Variants in PLEKHA5 observed in about 807,000 individuals in gnomAD.
PLEKHA5 encodes pleckstrin homology domain-containing family A member 5.
PLEKHA5 carries 55 observed loss-of-function variants against 181.9 expected under a neutral mutation model. The ratio of observed to expected loss-of-function variants is 0.30; its 90% CI spans 0.24 to 0.38. The LOEUF is 0.38. Among genes scored for constraint, PLEKHA5 ranks in the 10% least tolerant of loss-of-function variants. PLEKHA5 has a pLI of 1.00. For synonymous variants in PLEKHA5, 535 were observed against 529.4 expected (o/e 1.01, Z -0.15); for missense variants, 1,432 against 1,549.5 (o/e 0.92, Z 1.27).
intron 3 of PLEKHA5, among the ~76,000 whole-genome samples, chr12:19,203,858 GTTTCT>G (rs2054767788): frequency 6.6e-6 from 1 of 151,306 alleles, no homozygotes; most frequent in African/African-American, 2.4e-5. Context: ...TTTTTTATTT[GTTTCT>G]TTTTAGTGAA....
At chr12:19,281,086 A>T (rs2076020406) in intron 11 of PLEKHA5, among the ~76,000 whole-genome samples, 1 of 152,146 alleles carries the variant, frequency 6.6e-6, no homozygotes, top group South Asian at 2.1e-4. Flanking sequence ...AAAATAAAAA[A>T]TTAGCCACAC....
intron 11 of PLEKHA5, among the ~76,000 whole-genome samples, chr12:19,280,586 GAA>G (rs2075856420): frequency 6.6e-6 from 1 of 152,104 alleles, no homozygotes; most frequent in African/African-American, 2.4e-5. Context: ...AACATTGAAA[GAA>G]GAGATCAGAA....
At chr12:19,239,117 A>T (rs889507806) in intron 3 of PLEKHA5, among the ~76,000 whole-genome samples, 1 of 152,190 alleles carries the variant, frequency 6.6e-6, no homozygotes, top group Admixed American at 6.5e-5. Flanking sequence ...TATATATAGG[A>T]TGCTTAATAA....
intron 15 of PLEKHA5, among the ~76,000 whole-genome samples, chr12:19,305,231 A>G (rs572842331): frequency 1.2e-4 from 19 of 152,296 alleles, no homozygotes; most frequent in South Asian, 1.2e-3. Flanking sequence ...GTAATTACAT[A>G]TAATTCAGTG....
intron 21 of PLEKHA5, among the ~76,000 whole-genome samples, chr12:19,339,925 A>T (rs751499332): frequency 9.2e-5 from 14 of 152,220 alleles, no homozygotes; most frequent in Non-Finnish European, 1.8e-4. Context: ...ATAAACAAGG[A>T]AACATAATGT....
intron 28 of PLEKHA5, among the ~76,000 whole-genome samples, chr12:19,361,315 T>C (rs1358868030): frequency 6.6e-6 from 1 of 152,102 alleles, no homozygotes; most frequent in Non-Finnish European, 1.5e-5. Context: ...CCCGAGTAGC[T>C]GGGACTACAG....
chr12:19,274,610 C>CA lies in PLEKHA5; in HGVS notation c.947dup (p.Asn316LysfsTer8), dbSNP rs1565550899. The CA allele has an allele frequency of 6.2e-7, 1 of 1,612,586 alleles. No homozygotes were observed. Among genetic ancestry groups the CA allele is most frequent in the Non-Finnish European group, 8.5e-7 (1 of 1,179,244 alleles). On this transcript the variant is annotated frameshift_variant, in exon 11 of 32. Coordinates refer to ENST00000429027, the MANE Select transcript of PLEKHA5 (RefSeq NM_001256470.2). LOFTEE classifies it high-confidence loss of function. ...AATTAAACCAGAGATCCAAAACAATCAAAAAAACAAGGAAATGAGCAAAAT... is the reference window on the plus strand; with the variant it reads ...AATTAAACCAGAGATCCAAAACAATCAAAAAAAACAAGGAAATGAGCAAAAT...
chr12:19,368,847 T>C (rs1474207639), intron 30 of PLEKHA5, among the ~76,000 whole-genome samples: 3 of 151,836 alleles, frequency 2.0e-5, no homozygotes, highest in Non-Finnish European at 4.4e-5. Flanking sequence ...AAAAAAAAAA[T>C]TGTCACTGGC....
intron 3 of PLEKHA5, among the ~76,000 whole-genome samples, chr12:19,148,765 G>GA (rs1470226100): frequency 6.6e-6 from 1 of 152,200 alleles, no homozygotes; most frequent in Admixed American, 6.5e-5. Context: ...ATAGTTCACT[G>GA]AAAAAATTGT....
At chr12:19,213,727 C>T (rs989758819) in intron 3 of PLEKHA5, among the ~76,000 whole-genome samples, 5 of 152,222 alleles carry the variant, frequency 3.3e-5, no homozygotes, top group African/African-American at 1.2e-4. Context: ...TAGATCAATA[C>T]AACGTAAGTT....
chr12:19,329,828 G>A (rs932686070), intron 20 of PLEKHA5, among the ~76,000 whole-genome samples: 3 of 151,842 alleles, frequency 2.0e-5, no homozygotes, highest in East Asian at 1.9e-4. Flanking sequence ...TGTAATCCTA[G>A]CACTTTGGGA....
chr12:19,136,445 C>T (rs377389666), intron 3 of PLEKHA5, among the ~76,000 whole-genome samples: 198 of 152,218 alleles, frequency 1.3e-3, no homozygotes, highest in Middle Eastern at 3.4e-3. Context: ...CTTATGAGAA[C>T]GCAAATAACT....
rs931857373 is a variant in PLEKHA5 at position 19,336,725 on chromosome 12, A to C, written c.2550+109A>C. 9.7e-6 allele frequency: 6 copies of C among 620,346 alleles called. No homozygotes were observed. In the Admixed American group the frequency reaches 1.9e-4, roughly 20 times the overall value. The allele number at this position is 620,346 out of a possible 1,614,324, so 38.4% of individuals were successfully genotyped here. ...CATAACAGTTTTTACATTATTGGCT[A>C]CCTGAGACCTGGATTTGAATACTTT... On this transcript the variant is annotated intron_variant, in intron 21 of 31. Coordinates refer to ENST00000429027, the MANE Select transcript of PLEKHA5 (RefSeq NM_001256470.2).
intron 3 of PLEKHA5, chr12:19,200,568 G>T: frequency 8.0e-7 from 1 of 1,244,002 alleles, no homozygotes; most frequent in Non-Finnish European, 1.0e-6. Context: ...ATTCCTAGTA[G>T]ATCATACCTT....
chr12:19,274,977 C>G lies in PLEKHA5; in HGVS notation c.1307C>G (p.Thr436Ser), dbSNP rs1366434711. The G allele has an allele frequency of 6.2e-7, 1 of 1,600,530 alleles. No homozygotes were observed. Among genetic ancestry groups the G allele is most frequent in the African/African-American group, 1.3e-5 (1 of 74,752 alleles). ...AAGGGGAGGGGTCATGAAGAAGAAACCAGGGGGTAAGTGTCTGTCTTGTCA... is the reference window on the plus strand; with the variant it reads ...AAGGGGAGGGGTCATGAAGAAGAAAGCAGGGGGTAAGTGTCTGTCTTGTCA... ...IQKGRGHEEE[T>S]RGVISYQTLP... The change falls in exon 11 of 32, where the codon ACC (threonine) becomes AGC (serine). Residue 436 changes from threonine (T) to serine (S), a missense_variant. Transcript: ENST00000429027.
At chr12:19,298,408 C>CTTTTTTTTT (rs533661916) in intron 15 of PLEKHA5, among the ~76,000 whole-genome samples, 3 of 106,334 alleles carry the variant, frequency 2.8e-5, no homozygotes, top group East Asian at 2.8e-4. Context: ...ATTTTTTTAG[C>CTTTTTTTTT]TTTTTTTTTT....
At chr12:19,291,527 G>C in intron 14 of PLEKHA5, 117 bp from the exon 15 acceptor site, 1 of 604,974 alleles carries the variant, frequency 1.7e-6, no homozygotes, top group East Asian at 2.9e-5. Context: ...AAGTTGTCGT[G>C]TACTGTGATA....
At chr12:19,304,000 G>C (rs528384754) in intron 15 of PLEKHA5, among the ~76,000 whole-genome samples, 23 of 151,498 alleles carry the variant, frequency 1.5e-4, no homozygotes, top group African/African-American at 4.8e-4. Context: ...TAGAGGGGGG[G>C]GTTTCACCAT....
intron 3 of PLEKHA5, among the ~76,000 whole-genome samples, chr12:19,164,903 A>G (rs2043934446): frequency 6.6e-6 from 1 of 152,120 alleles, no homozygotes; most frequent in Admixed American, 6.6e-5. Flanking sequence ...AATTGAAGAT[A>G]TTCCAAAGTA....
Sources: gnomAD v4.1 joint callset for allele counts (sites outside exome capture counted in the v4.1 genomes callset) on GRCh38, gnomAD v4.1.1 for gene constraint, MANE v1.5 for transcripts, NCBI Gene and HGNC (gene_info 2026-07-23, HGNC 2026-07-21) for gene names.